MAP6: variants seen among roughly 807,000 people sequenced by gnomAD.
MAP6 encodes microtubule associated protein 6.
Under a neutral mutation model 42.4 loss-of-function variants are expected in MAP6, and 26 were observed. That is an observed-to-expected ratio of 0.61 (90% confidence interval 0.45 to 0.85). MAP6 has a LOEUF of 0.85. Ranked by LOEUF, MAP6 falls within the 40% of genes least tolerant of loss-of-function variation. The probability of loss-of-function intolerance (pLI) is 0.00; values close to 1 mark genes in which losing one functional copy is unlikely to be tolerated. For missense variants in MAP6, 966 were observed against 1,099.0 expected (o/e 0.88, Z 1.71); for synonymous variants, 418 against 443.8 (o/e 0.94, Z 0.73).
At chr11:75,612,751 TCTC>T (rs1242858289) in intron 1 of MAP6, among the ~76,000 whole-genome samples, 3 of 152,128 alleles carry the variant, frequency 2.0e-5, no homozygotes, top group Admixed American at 1.3e-4. Context: ...TTGATGGTGC[TCTC>T]CTCCTATCAG....
chr11:75,588,359 G>A (rs1326221304), intron 3 of MAP6, among the ~76,000 whole-genome samples, 175 bp from the exon 4 acceptor site: 1 of 152,016 alleles, frequency 6.6e-6, no homozygotes, highest in Non-Finnish European at 1.5e-5. Flanking sequence ...CGGGGGTGAG[G>A]GAGGGGGGTG....
rs1462830646 is a variant in MAP6, at chr11:75,668,644, G to C, written c.-275C>G. 2 of 289,540 alleles carry C rather than the reference G, an allele frequency of 6.9e-6. No individual in the cohort carries two copies. The highest frequency in any genetic ancestry group is 6.3e-6 in the Non-Finnish European group (1 of 158,626). The allele number at this position is 289,540 out of a possible 1,614,324, so 17.9% of individuals were successfully genotyped here. A position where few individuals can be genotyped will look rare whatever the true frequency, so the allele number is the denominator to read the frequency against. On this transcript the variant is annotated 5_prime_UTR_variant, in exon 1 of 4. Coordinates refer to ENST00000304771, the MANE Select transcript of MAP6 (RefSeq NM_033063.2). ...AGGGTGAGACGCACGGCGTTCCCGA[G>C]TCCCCGGCGAGGGTGTCTGGGACGC...
At chr11:75,607,078 T>C (rs1305473459) in intron 2 of MAP6, 2 of 271,622 alleles carry the variant, frequency 7.4e-6, no homozygotes, top group Non-Finnish European at 1.1e-5. Flanking sequence ...GTGCAGCGGC[T>C]TTCAGTCACT....
At chr11:75,604,537 G>A (rs1002039923) in intron 3 of MAP6, 24 of 985,276 alleles carry the variant, frequency 2.4e-5, no homozygotes, top group Middle Eastern at 1.0e-3. Context: ...CAATATACAC[G>A]TCATATTGGC....
At position 75,668,096 on chromosome 11, in the gene MAP6, C is replaced by A; in HGVS notation, c.274G>T (p.Glu92Ter). Residue 92 changes from glutamate to a stop codon, truncating the protein, a stop_gained, in exon 1 of 4, where the codon GAG becomes TAG. Coordinates refer to ENST00000304771, the MANE Select transcript of MAP6 (RefSeq NM_033063.2). LOFTEE classifies it high-confidence loss of function. ...ATGPAPGPTG[E>*]REPAAGPGRS... Reference sequence around the variant, plus strand: ...CCGGGGCCCGCCGCCGGCTCGCGCTCGCCGGTAGGCCCAGGCGCTGGCCCC... The same window carrying A: ...CCGGGGCCCGCCGCCGGCTCGCGCTAGCCGGTAGGCCCAGGCGCTGGCCCC... The A allele has an allele frequency of 2.5e-6, 3 of 1,207,876 alleles. No homozygotes were observed. Among genetic ancestry groups the A allele is most frequent in the South Asian group, 7.9e-5 (2 of 25,434 alleles). The allele number at this position is 1,207,876 out of a possible 1,614,324, so 74.8% of individuals were successfully genotyped here. A position where few individuals can be genotyped will look rare whatever the true frequency, so the allele number is the denominator to read the frequency against.
intron 1 of MAP6, among the ~76,000 whole-genome samples, chr11:75,649,749 C>T (rs2135675172): frequency 6.6e-6 from 1 of 152,178 alleles, no homozygotes; most frequent in African/African-American, 2.4e-5. Context: ...GCATCTTGGC[C>T]AGGCTGGTCT....
At chr11:75,618,904 C>T (rs945580462) in intron 1 of MAP6, among the ~76,000 whole-genome samples, 4 of 152,230 alleles carry the variant, frequency 2.6e-5, no homozygotes, top group African/African-American at 9.6e-5. Context: ...GGCCACTGCC[C>T]GATTCGTGAG....
intron 3 of MAP6, 173 bp downstream of exon 3, chr11:75,605,635 G>A: frequency 7.1e-7 from 1 of 1,411,296 alleles, no homozygotes; most frequent in African/African-American, 1.4e-5. Context: ...TGTGAAGCAG[G>A]ATTCTTCCAT....
intron 3 of MAP6, chr11:75,598,913 C>T (rs917659976): frequency 1.3e-5 from 2 of 152,276 alleles, no homozygotes; most frequent in Non-Finnish European, 2.9e-5. Context: ...GGAAAGGCTT[C>T]CTGGAGCTGT....
At chr11:75,588,570 G>C (rs1305313327) in intron 3 of MAP6, among the ~76,000 whole-genome samples, 2 of 152,072 alleles carry the variant, frequency 1.3e-5, no homozygotes, top group African/African-American at 4.8e-5. Context: ...GGCCCATCCT[G>C]GGAGCCCCAT....
Position 75,605,868 on chromosome 11 carries a change from G to T in MAP6, c.1256C>A (p.Thr419Asn). Residue 419 changes from threonine (T) to asparagine (N), a missense_variant, in exon 3 of 4, where the codon ACC becomes AAC. Around this residue, in one of 2 missense-constraint regions of MAP6, gnomAD observed 943 missense variants for 1,049.9 expected, o/e 0.90. Coordinates refer to ENST00000304771, the MANE Select transcript of MAP6 (RefSeq NM_033063.2). The part of the protein sequence containing the change: ...KKKSAEGPST[T>N]KPDDKEQSKE... ...GCTTTGCTCCTTGTCGTCTGGCTTG[G>T]TGGTACTCGGGCCCTCCGCGCTCTT... 6.2e-7 allele frequency: 1 copy of T among 1,614,142 alleles called. No homozygotes were observed. Among genetic ancestry groups the T allele is most frequent in the Non-Finnish European group, 8.5e-7 (1 of 1,180,040 alleles).
At chr11:75,599,568 A>G (rs1942634262) in intron 3 of MAP6, among the ~76,000 whole-genome samples, 1 of 152,180 alleles carries the variant, frequency 6.6e-6, no homozygotes, top group African/African-American at 2.4e-5. Context: ...ATGTATATAG[A>G]TCTGACCCCA....
At chr11:75,646,183 T>C (rs771175848) in intron 1 of MAP6, among the ~76,000 whole-genome samples, 3 of 152,114 alleles carry the variant, frequency 2.0e-5, no homozygotes, top group Non-Finnish European at 2.9e-5. Flanking sequence ...ATTACAGTGA[T>C]AGCAGACTTC....
At position 75,587,813 on chromosome 11, in the gene MAP6, C is replaced by G. The variant is rs377182762; in HGVS notation, c.1688G>C (p.Gly563Ala). 9 of 1,613,944 alleles carry G rather than the reference C, an allele frequency of 5.6e-6. No homozygotes were observed. In the African/African-American group the frequency reaches 6.7e-5, roughly 12 times the overall value. The change falls in exon 4 of 4, where the codon GGT (glycine) becomes GCT (alanine). Residue 563 changes from glycine to alanine, a missense_variant. This residue lies in a region of MAP6 where 943 missense variants were observed against 1,049.9 expected (regional missense o/e 0.90). Transcript: ENST00000304771. ...CTTCACAGGCTCAGGAATCCTAGGA[C>G]CTTGATCCTTTAGAGACTCTGGTAC... Reference protein sequence around the residue: ...SVVPESLKDQGPRIPEPVKNQ... With the variant: ...SVVPESLKDQAPRIPEPVKNQ...
intron 1 of MAP6, among the ~76,000 whole-genome samples, chr11:75,635,441 C>T (rs1189688580): frequency 8.5e-5 from 13 of 152,220 alleles, no homozygotes; most frequent in East Asian, 5.8e-4. Context: ...CCAGGCCAGG[C>T]GGCGTCTCGC....
chr11:75,637,863 G>A (rs933081705), intron 1 of MAP6, among the ~76,000 whole-genome samples: 4 of 142,484 alleles, frequency 2.8e-5, no homozygotes, highest in African/African-American at 1.0e-4. Flanking sequence ...AAGGAAGGAG[G>A]GAGGGAAGGA....
Position 75,667,912 on chromosome 11 carries a change from T to C in MAP6, c.458A>G (p.Glu153Gly). 1 of 1,419,390 alleles carries C rather than the reference T, an allele frequency of 7.0e-7. No homozygotes were observed. Among genetic ancestry groups the C allele is most frequent in the Non-Finnish European group, 9.2e-7 (1 of 1,082,724 alleles). The allele number at this position is 1,419,390 out of a possible 1,614,324, so 87.9% of individuals were successfully genotyped here. ...YQPSDAPFER[E>G]TQYQKDFRAW... ...GCGGAAGTCCTTCTGGTACTGGGTC[T>C]CGCGCTCGAAGGGAGCGTCGGAGGG... Residue 153 changes from glutamate (E) to glycine (G), a missense_variant, in exon 1 of 4, where the codon GAG (glutamate) becomes GGG (glycine). Glu to Gly is a moderately conservative substitution (Grantham distance 98). Transcript: ENST00000304771. The surrounding 1 kb of genome is among the most constrained non-coding windows in gnomAD (Gnocchi z 5.6).
intron 3 of MAP6, chr11:75,603,480 G>A: frequency 1.0e-6 from 1 of 985,516 alleles, no homozygotes. Flanking sequence ...CTACAAACAG[G>A]GTTTTCTCAG....
At chr11:75,601,326 C>T (rs1247203628) in intron 3 of MAP6, among the ~76,000 whole-genome samples, 2 of 152,146 alleles carry the variant, frequency 1.3e-5, no homozygotes, top group Non-Finnish European at 2.9e-5. Flanking sequence ...CTCTCAATCC[C>T]CGTTTTGTCT....
Sources: allele counts gnomAD v4.1 joint callset (sites outside exome capture counted in the v4.1 genomes callset), GRCh38; gene constraint gnomAD v4.1.1; regional missense constraint gnomAD v4.1.1; non-coding constraint Gnocchi (gnomAD v3.1); transcripts MANE v1.5; gene names NCBI Gene and HGNC (gene_info 2026-07-23, HGNC 2026-07-21).